Variants in CTNNA3 observed in about 807,000 individuals in gnomAD.
CTNNA3 encodes catenin alpha 3.
A neutral mutation model predicts 95.7 loss-of-function variants in CTNNA3; 76 were observed. That is an observed-to-expected ratio of 0.79 (90% CI 0.66 to 0.96). CTNNA3 has a LOEUF of 0.96. CTNNA3 is among the 40% of genes least tolerant of loss of function. The pLI is 0.00. For synonymous variants in CTNNA3, 431 were observed against 374.4 expected, an observed-to-expected ratio of 1.15 and a Z score of -1.74; for missense variants, 1,191 against 1,089.8, an observed-to-expected ratio of 1.09 and a Z score of -1.31.
intron 3 of CTNNA3, among the ~76,000 whole-genome samples, chr10:67,565,843 C>A (rs941349027): frequency 7.1e-6 from 1 of 140,096 alleles, no homozygotes; most frequent in Non-Finnish European, 1.5e-5. Flanking sequence ...CAGCCATCCA[C>A]TACTGAATAT....
intron 13 of CTNNA3, among the ~76,000 whole-genome samples, chr10:66,166,514 AAAAAG>A (rs1432829671): frequency 2.6e-4 from 39 of 151,698 alleles, no homozygotes; most frequent in African/African-American, 9.2e-4. Context: ...AAAAAAAAAA[AAAAAG>A]AAGAAGTTTC....
At position 66,849,393 on chromosome 10, in the gene CTNNA3, C is replaced by A. The variant is rs1843398443; in HGVS notation, c.1048-73869G>T. ...CTTGTTGTTCCCTTATGTTTGTTTC[C>A]TTTTTGGTAAATTTGAATAAGGTGT... On this transcript the variant is annotated intron_variant, in intron 7 of 17. Coordinates refer to ENST00000433211, the MANE Select transcript of CTNNA3 (RefSeq NM_013266.4). 2.6e-5 allele frequency among the ~76,000 whole-genome samples: 4 copies of A among 152,048 alleles called. No individual in the cohort carries two copies. In the South Asian group the frequency reaches 8.3e-4, roughly 31 times the overall value.
chr10:67,112,301 A>T (rs1473474633), intron 7 of CTNNA3, among the ~76,000 whole-genome samples: 2 of 152,150 alleles, frequency 1.3e-5, no homozygotes, highest in Non-Finnish European at 2.9e-5. Flanking sequence ...GGGTGTAATT[A>T]AAATGTTTTT....
At chr10:66,392,478 C>G (rs1050940065) in intron 11 of CTNNA3, among the ~76,000 whole-genome samples, 8 of 151,850 alleles carry the variant, frequency 5.3e-5, no homozygotes, top group African/African-American at 1.9e-4. Context: ...TGGAAGATAA[C>G]ATTTGCAAAA....
intron 7 of CTNNA3, among the ~76,000 whole-genome samples, chr10:67,007,412 A>C (rs1040655741): frequency 3.5e-4 from 53 of 149,584 alleles, no homozygotes; most frequent in African/African-American, 1.2e-3. Flanking sequence ...TTTTTTTTTT[A>C]ACATAAAATA....
intron 7 of CTNNA3, among the ~76,000 whole-genome samples, chr10:67,037,513 A>C (rs1854135184): frequency 6.6e-6 from 1 of 152,138 alleles, no homozygotes; most frequent in South Asian, 2.1e-4. Context: ...GTTTAGGTAG[A>C]GGAGTGATCA....
intron 7 of CTNNA3, among the ~76,000 whole-genome samples, chr10:67,026,647 C>A (rs1462246726): frequency 6.6e-6 from 1 of 152,094 alleles, no homozygotes; most frequent in Non-Finnish European, 1.5e-5. Flanking sequence ...GGAGCTTAAA[C>A]CCTGGGAGGA....
At chr10:66,481,132 T>A (rs984906848) in intron 11 of CTNNA3, among the ~76,000 whole-genome samples, 11 of 152,122 alleles carry the variant, frequency 7.2e-5, no homozygotes, top group Admixed American at 2.6e-4. Flanking sequence ...TTGGTAGGCG[T>A]AAAGGTATAT....
intron 7 of CTNNA3, among the ~76,000 whole-genome samples, chr10:66,915,148 A>G (rs541835816): frequency 2.2e-4 from 34 of 151,892 alleles, no homozygotes; most frequent in Non-Finnish European, 3.2e-4. Flanking sequence ...ACTGAAGGAC[A>G]CGTCTCCATA....
At chr10:67,627,628 T>C (rs1200510516) in intron 2 of CTNNA3, among the ~76,000 whole-genome samples, 1 of 152,166 alleles carries the variant, frequency 6.6e-6, no homozygotes, top group Non-Finnish European at 1.5e-5. Flanking sequence ...AAAACATTAA[T>C]TATTAAGCAT....
At chr10:67,504,665 C>T (rs10997679) in intron 5 of CTNNA3, among the ~76,000 whole-genome samples, 1 of 152,014 alleles carries the variant, frequency 6.6e-6, no homozygotes, top group African/African-American at 2.4e-5. Flanking sequence ...CCAAGTCTAA[C>T]TTAAGATTCC....
At chr10:66,127,296 G>T (rs1429008497) in intron 13 of CTNNA3, among the ~76,000 whole-genome samples, 2 of 145,312 alleles carry the variant, frequency 1.4e-5, no homozygotes, top group Non-Finnish European at 3.0e-5. Flanking sequence ...AAAAAAAAGG[G>T]AAATAAACTT....
intron 10 of CTNNA3, among the ~76,000 whole-genome samples, chr10:66,607,327 T>A (rs1478604475): frequency 6.6e-6 from 1 of 151,778 alleles, no homozygotes; most frequent in East Asian, 1.9e-4. Flanking sequence ...TCAGATGGAT[T>A]AACGACCTCA....
intron 13 of CTNNA3, among the ~76,000 whole-genome samples, chr10:66,172,363 G>C (rs1278218326): frequency 6.6e-6 from 1 of 151,930 alleles, no homozygotes; most frequent in East Asian, 1.9e-4. Flanking sequence ...TTTAGTATTT[G>C]GCTCAATTAA....
chr10:67,690,395 G>A (rs572690338), intron 1 of CTNNA3, among the ~76,000 whole-genome samples: 4 of 152,276 alleles, frequency 2.6e-5, no homozygotes, highest in Non-Finnish European at 5.9e-5. Context: ...CGAGCAGGTT[G>A]CCACTGCTGG....
At chr10:66,862,245 T>A (rs1033406046) in intron 7 of CTNNA3, among the ~76,000 whole-genome samples, 1 of 152,112 alleles carries the variant, frequency 6.6e-6, no homozygotes, top group Non-Finnish European at 1.5e-5. Context: ...AGTTTGGTGA[T>A]GTTTTTGTGA....
rs775706157 is a variant in CTNNA3, at chr10:67,180,495, G to A, written c.869C>T (p.Thr290Ile). Residue 290 changes from threonine to isoleucine, a missense_variant, in exon 7 of 18, where the codon ACA (threonine) becomes ATA (isoleucine). Transcript: ENST00000433211. ...LENLIVLNPL[T>I]VTEEEIRPSL... ...TGGTCGTATTTCCTCCTCAGTTACT[G>A]TGAGTGGATTCAGGACAATTAAATT... The A allele has an allele frequency of 1.2e-6, 2 of 1,613,462 alleles. No individual in the cohort carries two copies. The highest frequency in any genetic ancestry group is 1.7e-5 in the Admixed American group (1 of 59,942).
At chr10:66,494,607 C>T (rs1056479656) in intron 11 of CTNNA3, among the ~76,000 whole-genome samples, 1 of 146,850 alleles carries the variant, frequency 6.8e-6, no homozygotes, top group African/African-American at 2.5e-5. Context: ...CTGGTAGCAG[C>T]AAAGGAGTAG....
At chr10:66,262,786 TTATAA>T (rs1350228116) in intron 13 of CTNNA3, among the ~76,000 whole-genome samples, 3 of 152,032 alleles carry the variant, frequency 2.0e-5, no homozygotes, top group African/African-American at 7.2e-5. Flanking sequence ...TGTATTATTC[TTATAA>T]TAGGAATATT....
Sources: gnomAD v4.1 joint callset for allele counts (sites outside exome capture counted in the v4.1 genomes callset) on GRCh38, gnomAD v4.1.1 for gene constraint, MANE v1.5 for transcripts, NCBI Gene and HGNC (gene_info 2026-07-23, HGNC 2026-07-21) for gene names.